Variants in DLG4 observed in about 807,000 individuals in gnomAD.
The protein encoded by DLG4 is discs large MAGUK scaffold protein 4, also known as disks large homolog 4.
A neutral mutation model predicts 93.8 loss-of-function variants in DLG4; 7 were observed. That is an observed-to-expected ratio of 0.07 (90% CI 0.04 to 0.14). DLG4 has a LOEUF of 0.14. Ranked by LOEUF, DLG4 falls within the 10% of genes least tolerant of loss-of-function variation. DLG4 has a pLI of 1.00. For missense variants in DLG4, 545 were observed against 992.9 expected (o/e 0.55, Z 6.06); for synonymous variants, 341 against 387.6 (o/e 0.88, Z 1.41).
rs1555599148 is a variant in DLG4, at chr17:7,187,318, G to GGGGGGGGA, written c.*3389_*3390insTCCCCCCC. On this transcript the variant is annotated 3_prime_UTR_variant, in exon 20 of 20. Coordinates refer to ENST00000399506, the MANE Select transcript of DLG4 (RefSeq NM_001321075.3). The stretch of plus-strand genomic sequence containing the variant: ...ACTTTGGGAGGCCGAGGGGGGGGGG[G>GGGGGGGGA]GTGGATCACCCGAGGTCAGGAGTTC... Among the ~76,000 whole-genome samples, 1 of 68,646 alleles carries GGGGGGGGA rather than the reference G, an allele frequency of 1.5e-5. No homozygotes were observed. Among genetic ancestry groups the GGGGGGGGA allele is most frequent in the Non-Finnish European group, 5.0e-5 (1 of 19,826 alleles). The allele number at this position is 68,646 out of a possible 152,430, so 45.0% of individuals were successfully genotyped here.
chr17:7,218,973 C>G, upstream of DLG4: 1 of 1,047,432 alleles, frequency 9.5e-7, no homozygotes, highest in Non-Finnish European at 1.4e-6. Flanking sequence ...TCCCATTCCC[C>G]CAGGTCCCAA....
intron 1 of DLG4, chr17:7,211,698 A>G (rs2070712905): frequency 1.1e-5 from 10 of 933,970 alleles, no homozygotes; most frequent in Non-Finnish European, 1.1e-5. Flanking sequence ...CCGAGCCGAC[A>G]TGGAGAAGGG....
chr17:7,207,339 C>G (rs144179246), intron 2 of DLG4, among the ~76,000 whole-genome samples: 1 of 151,814 alleles, frequency 6.6e-6, no homozygotes, highest in African/African-American at 2.4e-5. Flanking sequence ...AAGAGAGAGA[C>G]AGCATCAAGA....
upstream of DLG4, chr17:7,219,895 G>C: frequency 6.5e-7 from 1 of 1,548,660 alleles, no homozygotes; most frequent in Non-Finnish European, 8.7e-7. Flanking sequence ...TGTGGACGAT[G>C]AGTCAGGGTT....
Position 7,203,590 on chromosome 17 carries a change from G to C in DLG4, c.339C>G (p.Val113=). The part of the protein sequence containing the change: ...GAAAQDGRLR[V]NDSILFVNEV... ...CATTTACAAACAGGATGCTGTCGTT[G>C]ACCCTGGGAGCAGCAAGGTGGGCCT... The change falls in exon 6 of 20, where the codon GTC becomes GTG. Residue 113 remains valine (V), a synonymous_variant. Transcript: ENST00000399506. This position sits in a 1 kb window ranked among gnomAD's most constrained non-coding sequence, Gnocchi z 7.2. 6.2e-7 allele frequency: 1 copy of C among 1,610,204 alleles called. No individual in the cohort carries two copies. The highest frequency in any genetic ancestry group is 8.5e-7 in the Non-Finnish European group (1 of 1,176,830).
At chr17:7,217,673 G>A (rs1185591721), upstream of DLG4, 4 of 1,355,624 alleles carry the variant, frequency 3.0e-6, no homozygotes, top group Non-Finnish European at 4.0e-6. Context: ...GAGCCAGAAT[G>A]GGGGGGGTGC....
intron 2 of DLG4, chr17:7,207,934 G>A (rs961829558): frequency 2.2e-5 from 15 of 670,046 alleles, no homozygotes; most frequent in Admixed American, 1.4e-4. Context: ...CAGACCCCAG[G>A]AGCCCAAGCC....
intron 1 of DLG4, among the ~76,000 whole-genome samples, chr17:7,213,079 T>TTTTCTTTC (rs201759025): frequency 2.1e-4 from 25 of 120,618 alleles, no homozygotes; most frequent in African/African-American, 7.0e-4. Flanking sequence ...TTTCCTTTTC[T>TTTTCTTTC]TTTCTTTCTT....
upstream of DLG4, chr17:7,219,390 T>TG (rs545407818): frequency 4.2e-5 from 43 of 1,014,236 alleles, no homozygotes; most frequent in East Asian, 4.0e-4. Flanking sequence ...GCAGTGAATC[T>TG]GGGGGGGTCT....
In DLG4 at chr17:7,208,021, CAGCTCCGA is replaced by C; in HGVS notation, c.96+145_96+152del. 8.1e-7 allele frequency: 1 copy of C among 1,229,746 alleles called. No homozygotes were observed. Among genetic ancestry groups the C allele is most frequent in the Non-Finnish European group, 1.0e-6 (1 of 975,474 alleles). The allele number at this position is 1,229,746 out of a possible 1,614,324, so 76.2% of individuals were successfully genotyped here. On this transcript the variant is annotated intron_variant, in intron 2 of 19. Transcript: ENST00000399506. This position sits in a 1 kb window ranked among gnomAD's most constrained non-coding sequence, Gnocchi z 5.4. ...CCCTACCGGCCCTTAGGGATTGCTG[CAGCTCCGA>C]GGCTCCGAGGGCCGCACTGGGGAGG...
chr17:7,191,955 C>T lies in DLG4; in HGVS notation c.1914G>A (p.Leu638=). The part of the protein sequence containing the change: ...LDVSANAVRR[L]QAAHLHPIAI... Reference sequence around the variant, plus strand: ...CGATGGGGTGCAGGTGGGCCGCCTGCAGCCGCCGCACGGCATTGGCCGAGA... The same window carrying T: ...CGATGGGGTGCAGGTGGGCCGCCTGTAGCCGCCGCACGGCATTGGCCGAGA... The change falls in exon 18 of 20, where the codon CTG becomes CTA. Residue 638 remains leucine, a synonymous_variant. Transcript: ENST00000399506. This position sits in a 1 kb window ranked among gnomAD's most constrained non-coding sequence, Gnocchi z 6.6. 6.7e-7 allele frequency: 1 copy of T among 1,483,510 alleles called. No homozygotes were observed. Among genetic ancestry groups the T allele is most frequent in the Non-Finnish European group, 9.0e-7 (1 of 1,113,480 alleles). 91.9% of individuals were successfully genotyped at this position (1,483,510 alleles called of 1,614,324 possible). A position where few individuals can be genotyped will look rare whatever the true frequency, so the allele number is the denominator to read the frequency against.
rs2069376592 is a variant in DLG4, at chr17:7,189,240, C to T, written c.*1468G>A. Among the ~76,000 whole-genome samples, 1 of 151,612 alleles carries T rather than the reference C, an allele frequency of 6.6e-6. No individual in the cohort carries two copies. Among genetic ancestry groups the T allele is most frequent in the Non-Finnish European group, 1.5e-5 (1 of 67,908 alleles). On this transcript the variant is annotated 3_prime_UTR_variant, in exon 20 of 20. Coordinates refer to ENST00000399506, the MANE Select transcript of DLG4 (RefSeq NM_001321075.3). Reference sequence around the variant, plus strand: ...GGCGCGGTGGCTCACGCCTGTAATCCCAGCACTTTGGGAGGCTGAGGCGGG... The same window carrying T: ...GGCGCGGTGGCTCACGCCTGTAATCTCAGCACTTTGGGAGGCTGAGGCGGG...
chr17:7,218,501 C>T (rs2071037893), upstream of DLG4: 3 of 1,538,474 alleles, frequency 1.9e-6, no homozygotes, highest in Non-Finnish European at 2.6e-6. Context: ...TCAGTAATGG[C>T]CCTTGGAGGC....
rs2070567513 is a variant in DLG4 at position 7,208,233 on chromosome 17, G to A, written c.37C>T (p.Arg13Cys). ...GGGGGCGTGTCTTCATCTTGGTAGC[G>A]GTATTTCTGGGGATGGGGACGGAGG... The part of the protein sequence containing the change: ...CLCIVTTKKY[R>C]YQDEDTPPLE... The change falls in exon 2 of 20, where the codon CGC becomes TGC. Residue 13 changes from arginine (R) to cysteine (C), a missense_variant. By Grantham distance (180) the Arg-to-Cys change is radical. This residue lies in a region of DLG4 where 49 missense variants were observed against 80.4 expected (regional missense o/e 0.61). Transcript: ENST00000399506. The surrounding 1 kb of genome is among the most constrained non-coding windows in gnomAD (Gnocchi z 5.4). 2.3e-6 allele frequency: 3 copies of A among 1,312,580 alleles called. No individual in the cohort carries two copies. The highest frequency in any genetic ancestry group is 2.0e-6 in the Non-Finnish European group (2 of 1,021,474). 81.3% of individuals were successfully genotyped at this position (1,312,580 alleles called of 1,614,324 possible). A position where few individuals can be genotyped will look rare whatever the true frequency, so the allele number is the denominator to read the frequency against.
chr17:7,206,798 G>A (rs555742268), intron 2 of DLG4, among the ~76,000 whole-genome samples: 5 of 151,890 alleles, frequency 3.3e-5, no homozygotes, highest in African/African-American at 7.2e-5. Context: ...CTGCTTGCCC[G>A]CTCCCTAGGC....
Position 7,204,005 on chromosome 17 carries a change from C to T in DLG4, c.210+3G>A, listed in dbSNP as rs1434930743. 6.2e-7 allele frequency: 1 copy of T among 1,611,228 alleles called. No homozygotes were observed. Among genetic ancestry groups the T allele is most frequent in the Non-Finnish European group, 8.5e-7 (1 of 1,178,768 alleles). ...GGGACTGCCGATGGAGGAGCCTGCTCACCCTTTCCAATGTGATTTCCTCGT... is the reference window on the plus strand; with the variant it reads ...GGGACTGCCGATGGAGGAGCCTGCTTACCCTTTCCAATGTGATTTCCTCGT... On this transcript the variant is annotated splice_donor_region_variant and intron_variant, in intron 4 of 19. Coordinates refer to ENST00000399506, the MANE Select transcript of DLG4 (RefSeq NM_001321075.3).
In DLG4 at chr17:7,191,744, C is replaced by T. The variant is rs567948178; in HGVS notation, c.1976+149G>A. On this transcript the variant is annotated intron_variant, in intron 18 of 19. Transcript: ENST00000399506. This position sits in a 1 kb window ranked among gnomAD's most constrained non-coding sequence, Gnocchi z 6.6. Reference sequence around the variant, plus strand: ...GAGGAGGGGAAAGACCCGATTCCCCCACATCCTCTGGGTTCCAGGGATCCC... The same window carrying T: ...GAGGAGGGGAAAGACCCGATTCCCCTACATCCTCTGGGTTCCAGGGATCCC... 3.3e-6 allele frequency: 2 copies of T among 598,290 alleles called. No individual in the cohort carries two copies. Among genetic ancestry groups the T allele is most frequent in the African/African-American group, 1.8e-5 (1 of 54,594 alleles). The allele number at this position is 598,290 out of a possible 1,614,324, so 37.1% of individuals were successfully genotyped here. A position where few individuals can be genotyped will look rare whatever the true frequency, so the allele number is the denominator to read the frequency against.
intron 2 of DLG4, chr17:7,207,965 C>T (rs917637437): frequency 3.6e-5 from 36 of 1,010,548 alleles, no homozygotes; most frequent in Middle Eastern, 3.7e-4. Flanking sequence ...GCCCCCAGTC[C>T]CAGCATCCCC....
rs1443080901 is a variant in DLG4, at chr17:7,191,828, C to T, written c.1976+65G>A. 2.0e-5 allele frequency: 23 copies of T among 1,165,956 alleles called. No individual in the cohort carries two copies. The highest frequency in any genetic ancestry group is 1.0e-4 in the East Asian group (4 of 38,968). 72.2% of individuals were successfully genotyped at this position (1,165,956 alleles called of 1,614,324 possible). On this transcript the variant is annotated intron_variant, in intron 18 of 19. Transcript: ENST00000399506. The surrounding 1 kb of genome is among the most constrained non-coding windows in gnomAD (Gnocchi z 6.6). ...CTGAAGGGAGAGTTGAACGCAGACG[C>T]CTTGTGAGGCCCAGGGCCACAGGTG...
Sources: gnomAD v4.1 joint callset for allele counts (sites outside exome capture counted in the v4.1 genomes callset) on GRCh38, gnomAD v4.1.1 for gene constraint, gnomAD v4.1.1 regional missense constraint, Gnocchi (gnomAD v3.1) non-coding constraint, MANE v1.5 for transcripts, NCBI Gene and HGNC (gene_info 2026-07-23, HGNC 2026-07-21) for gene names.